ARHGAP42: variants seen among roughly 807,000 people sequenced by gnomAD.
ARHGAP42 encodes the protein Rho GTPase activating protein 42.
Under a neutral mutation model 125.0 loss-of-function variants are expected in ARHGAP42, and 63 were observed. The ratio of observed to expected loss-of-function variants is 0.50; its 90% CI spans 0.41 to 0.62. ARHGAP42 has a LOEUF of 0.62. ARHGAP42 is among the 20% of genes least tolerant of loss of function. The pLI, the probability that ARHGAP42 is intolerant of heterozygous loss-of-function variation, is 0.00. For missense variants in ARHGAP42, 766 were observed against 1,024.2 expected (o/e 0.75, Z 3.44); for synonymous variants, 339 against 351.0 (o/e 0.97, Z 0.38).
At chr11:100,771,587 G>A (rs539258219) in intron 2 of ARHGAP42, among the ~76,000 whole-genome samples, 1 of 152,070 alleles carries the variant, frequency 6.6e-6, no homozygotes, top group Admixed American at 6.6e-5. Context: ...TTTAATGTCT[G>A]TAGGAAACAT....
At position 100,722,531 on chromosome 11, in the gene ARHGAP42, C is replaced by G. The variant is rs1010973854; in HGVS notation, c.154+34699C>G. Reference sequence around the variant, plus strand: ...TCAGCCTCCCGAGTAGCTGGGATTACAGGCATGCACCACCATGCCTGGGTA... The same window carrying G: ...TCAGCCTCCCGAGTAGCTGGGATTAGAGGCATGCACCACCATGCCTGGGTA... On this transcript the variant is annotated intron_variant, in intron 1 of 23. Coordinates refer to ENST00000298815, the MANE Select transcript of ARHGAP42 (RefSeq NM_152432.4). Among the ~76,000 whole-genome samples, 4 of 151,992 alleles carry G rather than the reference C, an allele frequency of 2.6e-5. No individual in the cohort carries two copies. The East Asian group carries it at 5.8e-4, about 22-fold the overall frequency.
chr11:100,723,316 T>C (rs929921384), intron 1 of ARHGAP42, among the ~76,000 whole-genome samples: 1 of 152,218 alleles, frequency 6.6e-6, no homozygotes, highest in African/African-American at 2.4e-5. Flanking sequence ...TTTATAAAAC[T>C]GCTTGCTGGG....
At chr11:100,891,362 C>T (rs979774320) in intron 4 of ARHGAP42, among the ~76,000 whole-genome samples, 1 of 151,792 alleles carries the variant, frequency 6.6e-6, no homozygotes, top group Admixed American at 6.6e-5. Flanking sequence ...CGTCTGCATG[C>T]CAGGTAGACA....
intron 4 of ARHGAP42, 26 bp downstream of exon 4, chr11:100,859,651 C>T (rs1187719030): frequency 7.2e-7 from 1 of 1,388,648 alleles, no homozygotes. Flanking sequence ...TATTATTCTT[C>T]AGTTATTCTC....
chr11:100,928,300 T>G lies in ARHGAP42; in HGVS notation c.598-4856T>G, dbSNP rs139215771. Among the ~76,000 whole-genome samples, 681 of 152,242 alleles carry G rather than the reference T, an allele frequency of 4.5e-3. 5 individuals carry two copies. Among genetic ancestry groups the G allele is most frequent in the African/African-American group, 0.016 (654 of 41,544 alleles). ...TTGGGAAGTATTTATTTTTATTTTT[T>G]AAAAACAACTTCAGGCCAGGCATGG... On this transcript the variant is annotated intron_variant, in intron 6 of 23. Transcript: ENST00000298815.
At chr11:100,907,312 C>T (rs749745182) in intron 4 of ARHGAP42, among the ~76,000 whole-genome samples, 12 of 152,168 alleles carry the variant, frequency 7.9e-5, no homozygotes, top group African/African-American at 2.2e-4. Flanking sequence ...CCTTGACATG[C>T]GTTATCTGTT....
chr11:100,885,932 C>T (rs1866082520), intron 4 of ARHGAP42, among the ~76,000 whole-genome samples: 1 of 152,140 alleles, frequency 6.6e-6, no homozygotes, highest in South Asian at 2.1e-4. Context: ...TGTACTGTTT[C>T]CCCGTAATTG....
At chr11:100,859,758 A>G (rs1473228529) in intron 4 of ARHGAP42, 133 bp downstream of exon 4, 1 of 626,798 alleles carries the variant, frequency 1.6e-6, no homozygotes, top group Non-Finnish European at 2.6e-6. Context: ...CTTTTTGCAT[A>G]GAGACTTAAC....
chr11:100,992,169 A>G lies in ARHGAP42; in HGVS notation c.*3368A>G. On this transcript the variant is annotated 3_prime_UTR_variant, in exon 24 of 24. Coordinates refer to ENST00000298815, the MANE Select transcript of ARHGAP42 (RefSeq NM_152432.4). ...ATTTCAAATTGTAGTGATACCTTAA[A>G]TCATGTATTCAGGATGCCTTCTTTA... is the stretch of plus-strand genomic sequence containing the variant. The G allele has an allele frequency of 1.1e-6, 1 of 892,230 alleles. No homozygotes were observed. Among genetic ancestry groups the G allele is most frequent in the South Asian group, 1.9e-5 (1 of 53,188 alleles). The allele number at this position is 892,230 out of a possible 1,614,324, so 55.3% of individuals were successfully genotyped here.
chr11:100,987,694 T>C (rs17648695), intron 23 of ARHGAP42, 102 bp downstream of exon 23: 122,366 of 1,073,388 alleles, frequency 0.11, 8,215 homozygotes, highest in Non-Finnish European at 0.13. Context: ...GCCTCAGATT[T>C]TATCCCATGT....
At position 100,786,517 on chromosome 11, in the gene ARHGAP42, A is replaced by G. The variant is rs182844609; in HGVS notation, c.251-8588A>G. Reference sequence around the variant, plus strand: ...GGCCTTTTGTGAAATATATACACTTACCATATATATATAAGCCTAGTATAC... The same window carrying G: ...GGCCTTTTGTGAAATATATACACTTGCCATATATATATAAGCCTAGTATAC... On this transcript the variant is annotated intron_variant, in intron 2 of 23. Transcript: ENST00000298815. Among the ~76,000 whole-genome samples, 285 of 152,282 alleles carry G rather than the reference A, an allele frequency of 1.9e-3. 1 individual carries two copies. The highest frequency in any genetic ancestry group is 2.3e-3 in the Non-Finnish European group (156 of 68,022).
intron 21 of ARHGAP42, among the ~76,000 whole-genome samples, chr11:100,977,966 G>T (rs1858434212): frequency 6.6e-6 from 1 of 152,122 alleles, no homozygotes; most frequent in Admixed American, 6.6e-5. Flanking sequence ...TCTCTGACAG[G>T]AACCTTTTGG....
At chr11:100,772,510 G>A (rs1339161980) in intron 2 of ARHGAP42, among the ~76,000 whole-genome samples, 1 of 152,174 alleles carries the variant, frequency 6.6e-6, no homozygotes, top group African/African-American at 2.4e-5. Flanking sequence ...AGATGGTCCA[G>A]CCATGCCTGT....
At chr11:100,973,458 C>T in intron 18 of ARHGAP42, 124 bp downstream of exon 18, 1 of 995,904 alleles carries the variant, frequency 1.0e-6, no homozygotes, top group Non-Finnish European at 1.5e-6. Flanking sequence ...CTTCAGTTTT[C>T]TTTCCTTGTT....
Position 100,688,064 on chromosome 11 carries a change from C to G in ARHGAP42, c.154+232C>G, listed in dbSNP as rs1861120082. ...TTCTCTACAGGGCACTGGAATATAT[C>G]CTGAGGAAAGTCGTTCAAAGTCATC... On this transcript the variant is annotated intron_variant, in intron 1 of 23. Transcript: ENST00000298815. 4 of 341,226 alleles carry G rather than the reference C, an allele frequency of 1.2e-5. No homozygotes were observed. The East Asian group carries it at 1.9e-4, about 16-fold the overall frequency. 21.1% of individuals were successfully genotyped at this position (341,226 alleles called of 1,614,324 possible).
intron 2 of ARHGAP42, among the ~76,000 whole-genome samples, chr11:100,790,261 T>C (rs1863534567): frequency 6.6e-6 from 1 of 152,200 alleles, no homozygotes; most frequent in African/African-American, 2.4e-5. Context: ...TCATACTTCC[T>C]CACTGTCTAG....
chr11:100,898,481 T>C (rs1866424872), intron 4 of ARHGAP42, among the ~76,000 whole-genome samples: 1 of 152,162 alleles, frequency 6.6e-6, no homozygotes, highest in African/African-American at 2.4e-5. Flanking sequence ...TGGACTGTTT[T>C]TGGTTGGTAG....
chr11:100,868,224 A>G (rs1177021992), intron 4 of ARHGAP42, among the ~76,000 whole-genome samples: 1 of 152,248 alleles, frequency 6.6e-6, no homozygotes, highest in African/African-American at 2.4e-5. Flanking sequence ...AATTTGTAAA[A>G]AAATGCAATA....
At chr11:100,716,082 G>C (rs1861656039) in intron 1 of ARHGAP42, among the ~76,000 whole-genome samples, 1 of 152,166 alleles carries the variant, frequency 6.6e-6, no homozygotes, top group Non-Finnish European at 1.5e-5. Flanking sequence ...AATGATAGCA[G>C]TTAACAAATG....
Sources: allele counts gnomAD v4.1 joint callset (sites outside exome capture counted in the v4.1 genomes callset), GRCh38; gene constraint gnomAD v4.1.1; transcripts MANE v1.5; gene names NCBI Gene and HGNC (gene_info 2026-07-23, HGNC 2026-07-21).